The following FNIP1 variants were observed in gnomAD, a reference collection of about 807,000 sequenced individuals.
FNIP1 encodes the protein folliculin interacting protein 1, also known as folliculin-interacting protein 1.
Under a neutral mutation model 124.5 loss-of-function variants are expected in FNIP1, and 40 were observed. That is an observed-to-expected ratio of 0.32 (90% confidence interval 0.25 to 0.42). The LOEUF is 0.42. FNIP1 is among the 10% of genes least tolerant of loss of function. FNIP1 has a pLI of 1.00. For synonymous variants in FNIP1, 472 were observed against 470.6 expected (o/e 1.00, Z -0.04); for missense variants, 1,176 against 1,403.7 (o/e 0.84, Z 2.59).
intron 1 of FNIP1, among the ~76,000 whole-genome samples, chr5:131,778,935 G>A (rs1239327033): frequency 6.8e-5 from 8 of 116,920 alleles, no homozygotes; most frequent in African/African-American, 2.6e-4. Flanking sequence ...TCATAGGTGG[G>A]AATTGAACAA....
chr5:131,678,048 A>G (rs1767962139), intron 12 of FNIP1, among the ~76,000 whole-genome samples, 176 bp from the exon 13 acceptor site: 2 of 152,344 alleles, frequency 1.3e-5, no homozygotes, highest in South Asian at 2.1e-4. Context: ...ATGAAAGTTA[A>G]TAGTTTCTGG....
chr5:131,668,066 C>T (rs563731354), intron 15 of FNIP1, among the ~76,000 whole-genome samples: 4 of 152,204 alleles, frequency 2.6e-5, no homozygotes, highest in South Asian at 2.1e-4. Context: ...AAAATCAGCA[C>T]GGACATAAAA....
chr5:131,644,479 A>T lies in FNIP1; in HGVS notation c.*206T>A. The T allele has an allele frequency of 2.5e-6, 1 of 406,676 alleles. No homozygotes were observed. The highest frequency in any genetic ancestry group is 4.4e-6 in the Non-Finnish European group (1 of 226,768). 25.2% of individuals were successfully genotyped at this position (406,676 alleles called of 1,614,324 possible). ...TTGTTGCTTTAATTTCATTTGTTTAAAAATCTACCACCACCCAAAAGTCCA... is the reference window on the plus strand; with the variant it reads ...TTGTTGCTTTAATTTCATTTGTTTATAAATCTACCACCACCCAAAAGTCCA... On this transcript the variant is annotated 3_prime_UTR_variant, in exon 18 of 18. Transcript: ENST00000510461.
chr5:131,657,019 CTTTTTTTTTTTTTT>C (rs71000999), intron 15 of FNIP1, among the ~76,000 whole-genome samples: 2 of 89,626 alleles, frequency 2.2e-5, no homozygotes, highest in African/African-American at 4.8e-5. Context: ...CCACCCATGC[CTTTTTTTTTTTTTT>C]TTTTTTTTTT....
chr5:131,695,130 AATAAATAAATAAATAAATAAAT>A (rs1768646900), intron 11 of FNIP1, among the ~76,000 whole-genome samples: 3 of 150,968 alleles, frequency 2.0e-5, no homozygotes, highest in African/African-American at 7.3e-5. Context: ...TAAATAAATA[AATAAATAAATAAATAAATAAAT>A]AAAGCATTAA....
Position 131,672,296 on chromosome 5 carries a change from ACTGT to A in FNIP1, c.2144_2147del (p.Asp715ValfsTer7). On this transcript the variant is annotated frameshift_variant, in exon 14 of 18. Transcript: ENST00000510461. LOFTEE classifies it high-confidence loss of function. ...TGGATCTCATTGCTTTGCCTGTGTG[ACTGT>A]CTGAATCCAGCAACTTCTCACTCTG... is the stretch of plus-strand genomic sequence containing the variant. 1 of 1,614,112 alleles carries A rather than the reference ACTGT, an allele frequency of 6.2e-7. No homozygotes were observed. Among genetic ancestry groups the A allele is most frequent in the Non-Finnish European group, 8.5e-7 (1 of 1,180,020 alleles).
intron 1 of FNIP1, among the ~76,000 whole-genome samples, chr5:131,773,621 T>C (rs1011883297): frequency 1.3e-5 from 2 of 152,252 alleles, no homozygotes; most frequent in African/African-American, 4.8e-5. Context: ...AAAATGTGTT[T>C]ATGCACATCA....
chr5:131,719,545 C>A (rs139608056), intron 3 of FNIP1, 128 bp from the exon 4 acceptor site: 2 of 725,744 alleles, frequency 2.8e-6, no homozygotes, highest in Admixed American at 3.5e-5. Flanking sequence ...ACACTGTATA[C>A]GCTGTTCTGC....
At chr5:131,706,337 G>C in intron 9 of FNIP1, 74 bp downstream of exon 9, 1 of 1,407,186 alleles carries the variant, frequency 7.1e-7, no homozygotes, top group Middle Eastern at 1.9e-4. Context: ...ACAAGTCCAG[G>C]TTCTAAAAAA....
chr5:131,750,617 T>TC (rs1172048704), intron 1 of FNIP1, among the ~76,000 whole-genome samples: 1 of 115,124 alleles, frequency 8.7e-6, no homozygotes, highest in Non-Finnish European at 1.7e-5. Context: ...CCCTTCTTTC[T>TC]TTTTTTTTTT....
At chr5:131,675,439 G>T (rs1173802685) in intron 13 of FNIP1, among the ~76,000 whole-genome samples, 1 of 152,140 alleles carries the variant, frequency 6.6e-6, no homozygotes, top group East Asian at 1.9e-4. Context: ...GTCAACAAAT[G>T]ATTGTAGAAT....
chr5:131,762,090 T>C (rs936247324), intron 1 of FNIP1, among the ~76,000 whole-genome samples: 3 of 152,170 alleles, frequency 2.0e-5, no homozygotes, highest in Non-Finnish European at 2.9e-5. Context: ...TCTCTCACCA[T>C]ACACGAAAAT....
At chr5:131,676,544 G>T (rs1264251840) in intron 13 of FNIP1, among the ~76,000 whole-genome samples, 3 of 152,072 alleles carry the variant, frequency 2.0e-5, no homozygotes, top group Non-Finnish European at 4.4e-5. Flanking sequence ...GATCGCTTGA[G>T]TCTGGGAGTT....
In FNIP1 at chr5:131,672,931, TG is replaced by T. The variant is rs761721647; in HGVS notation, c.1520-8del. The T allele has an allele frequency of 6.6e-7, 1 of 1,520,084 alleles. No individual in the cohort carries two copies. Among genetic ancestry groups the T allele is most frequent in the Non-Finnish European group, 8.8e-7 (1 of 1,136,868 alleles). 94.2% of individuals were successfully genotyped at this position (1,520,084 alleles called of 1,614,324 possible). On this transcript the variant is annotated splice_polypyrimidine_tract_variant and splice_region_variant and intron_variant, in intron 13 of 17. Transcript: ENST00000510461. ...ATAGCGCCATACAAGTCTCCTGTAATGGAAAAAATCAGTTATTGGACATGTC... is the reference window on the plus strand; with the variant it reads ...ATAGCGCCATACAAGTCTCCTGTAATGAAAAAATCAGTTATTGGACATGTC...
At chr5:131,667,615 G>A (rs1024971833) in intron 15 of FNIP1, among the ~76,000 whole-genome samples, 11 of 152,098 alleles carry the variant, frequency 7.2e-5, no homozygotes, top group African/African-American at 2.4e-4. Context: ...TGAAATGGTT[G>A]TCTTGCTCTG....
At chr5:131,705,255 G>A (rs891822200) in intron 9 of FNIP1, among the ~76,000 whole-genome samples, 1 of 151,488 alleles carries the variant, frequency 6.6e-6, no homozygotes, top group African/African-American at 2.4e-5. Context: ...TGGATCACTC[G>A]AGCCCAGAAG....
intron 2 of FNIP1, among the ~76,000 whole-genome samples, chr5:131,739,812 CAAAAA>C (rs60928249): frequency 3.2e-5 from 1 of 31,380 alleles, no homozygotes; most frequent in Non-Finnish European, 7.3e-5. Flanking sequence ...GACTCCAGCT[CAAAAA>C]AAAAAAAAAA....
At chr5:131,704,647 G>T (rs1374804155) in intron 9 of FNIP1, among the ~76,000 whole-genome samples, 1 of 152,088 alleles carries the variant, frequency 6.6e-6, no homozygotes, top group Non-Finnish European at 1.5e-5. Context: ...TAAAGTCAAA[G>T]ATGAAGGAAT....
chr5:131,738,280 T>C (rs1356451250), intron 2 of FNIP1, among the ~76,000 whole-genome samples: 2 of 152,238 alleles, frequency 1.3e-5, no homozygotes, highest in Non-Finnish European at 2.9e-5. Flanking sequence ...GCTCTTGTCC[T>C]TCACTCAATT....
Sources: allele counts gnomAD v4.1 joint callset (sites outside exome capture counted in the v4.1 genomes callset), GRCh38; gene constraint gnomAD v4.1.1; transcripts MANE v1.5; gene names NCBI Gene and HGNC (gene_info 2026-07-23, HGNC 2026-07-21).